Variants in PRIM2 observed in about 807,000 individuals in gnomAD.
PRIM2 encodes DNA primase large subunit.
In PRIM2, 39 loss-of-function variants were observed where a neutral mutation model predicts 67.3. That is an observed-to-expected ratio of 0.58 (90% CI 0.45 to 0.76). PRIM2 has a LOEUF of 0.76. PRIM2 is among the 30% of genes least tolerant of loss of function. PRIM2 has a pLI of 0.00. For synonymous variants in PRIM2, 143 were observed against 198.7 expected (o/e 0.72, Z 2.36); for missense variants, 398 against 598.7 (o/e 0.66, Z 3.50).
chr6:57,240,228 A>G, the PRIM2 span, among the ~76,000 whole-genome samples: 14 of 151,740 alleles, frequency 9.2e-5, no homozygotes, highest in African/African-American at 1.7e-4. Flanking sequence ...CAGCCTCTCA[A>G]GTAGCTGGGA....
intron 7 of PRIM2, among the ~76,000 whole-genome samples, chr6:57,462,320 T>G (rs200815099): frequency 6.6e-6 from 1 of 152,164 alleles, no homozygotes; most frequent in Admixed American, 6.5e-5. Context: ...CAGAATAATT[T>G]GTTAGCATTT....
chr6:57,320,030 G>C lies in PRIM2; in HGVS notation c.155-427G>C, dbSNP rs1004863544. Among the ~76,000 whole-genome samples the C allele has an allele frequency of 5.9e-5, 9 of 152,292 alleles. No individual in the cohort carries two copies. In the South Asian group the frequency reaches 1.2e-3, roughly 21 times the overall value. ...CCTTTCTTCTTCACTGTTGTGCTCT[G>C]TCCTCGGCTTCATCAGGAAAGGAAG... On this transcript the variant is annotated intron_variant, in intron 2 of 13. Transcript: ENST00000615550.
chr6:57,559,414 C>T (rs1775584978), intron 10 of PRIM2, among the ~76,000 whole-genome samples: 2 of 152,120 alleles, frequency 1.3e-5, no homozygotes, highest in Non-Finnish European at 2.9e-5. Context: ...TTACCTTGTA[C>T]TTCTTATCTG....
At chr6:57,475,032 A>C (rs1269253041) in intron 7 of PRIM2, among the ~76,000 whole-genome samples, 7,167 of 152,236 alleles carry the variant, frequency 0.047, 311 homozygotes, top group African/African-American at 0.11. Context: ...GTGCAGTGGA[A>C]TAGGCACTGA....
the PRIM2 span, among the ~76,000 whole-genome samples, chr6:57,294,745 A>G: frequency 6.6e-6 from 1 of 151,958 alleles, no homozygotes; most frequent in Non-Finnish European, 1.5e-5. Flanking sequence ...ACATGGAGAA[A>G]AATACAAAAG....
Position 57,610,909 on chromosome 6 carries a change from T to C in PRIM2, c.1230+4452T>C, listed in dbSNP as rs1364725429. 4.6e-4 allele frequency among the ~76,000 whole-genome samples: 70 copies of C among 152,162 alleles called. 2 individuals carry two copies. Among genetic ancestry groups the C allele is most frequent in the Non-Finnish European group, 2.4e-4 (16 of 68,020 alleles). On this transcript the variant is annotated intron_variant, in intron 12 of 13. Transcript: ENST00000615550. ...TTACCCAACAACAGGAGACATGAAATAGTAACCCAGGTAGATCATAGTCTA... is the reference window on the plus strand; with the variant it reads ...TTACCCAACAACAGGAGACATGAAACAGTAACCCAGGTAGATCATAGTCTA...
the PRIM2 span, among the ~76,000 whole-genome samples, chr6:57,278,371 T>A: frequency 2.6e-5 from 4 of 152,170 alleles, no homozygotes; most frequent in Non-Finnish European, 5.9e-5. Context: ...GGTAGCCTTA[T>A]GCTCTAGGGC....
chr6:57,418,543 C>T (rs1771357286), intron 7 of PRIM2, among the ~76,000 whole-genome samples: 1 of 150,934 alleles, frequency 6.6e-6, no homozygotes, highest in South Asian at 2.1e-4. Flanking sequence ...ACTACAGGCG[C>T]GTGCCACCAC....
Position 57,489,538 on chromosome 6 carries a change from C to A in PRIM2, c.694-17849C>A, listed in dbSNP as rs1773837914. On this transcript the variant is annotated intron_variant, in intron 7 of 13. Transcript: ENST00000615550. ...TTCCACTGCACTCCAGCCTGGGCGACAGAGTGAGACCCCCGTCTCCAGAAA... is the reference window on the plus strand; with the variant it reads ...TTCCACTGCACTCCAGCCTGGGCGAAAGAGTGAGACCCCCGTCTCCAGAAA... 6.6e-5 allele frequency among the ~76,000 whole-genome samples: 10 copies of A among 150,642 alleles called. No individual in the cohort carries two copies. The South Asian group carries it at 2.1e-3, about 31-fold the overall frequency.
In PRIM2 at chr6:57,646,366, G is replaced by T; in HGVS notation, c.*208G>T. On this transcript the variant is annotated 3_prime_UTR_variant, in exon 14 of 14. Transcript: ENST00000615550. ...ACCACAGGTGTGCACCTCATATCCA[G>T]ATAATTTTTTTCAATTTTTTTTTGT... 1 of 527,614 alleles carries T rather than the reference G, an allele frequency of 1.9e-6. No homozygotes were observed. Among genetic ancestry groups the T allele is most frequent in the African/African-American group, 1.9e-5 (1 of 52,336 alleles). 32.7% of individuals were successfully genotyped at this position (527,614 alleles called of 1,614,324 possible).
chr6:57,386,687 G>A lies in PRIM2; in HGVS notation c.693+4519G>A, dbSNP rs557169532. Among the ~76,000 whole-genome samples, 154 of 150,826 alleles carry A rather than the reference G, an allele frequency of 1.0e-3. 1 individual carries two copies. In the East Asian group the frequency reaches 0.019, roughly 19 times the overall value. ...AAAGGAGCAGGAGGGAAGCGAAGGAGTTCATTTAGGGCTGTGGCGAAGTAG... is the reference window on the plus strand; with the variant it reads ...AAAGGAGCAGGAGGGAAGCGAAGGAATTCATTTAGGGCTGTGGCGAAGTAG... On this transcript the variant is annotated intron_variant, in intron 7 of 13. Transcript: ENST00000615550.
chr6:57,300,687 G>A, the PRIM2 span, among the ~76,000 whole-genome samples: 2 of 152,204 alleles, frequency 1.3e-5, no homozygotes, highest in South Asian at 2.1e-4. Flanking sequence ...AACTTGGGTT[G>A]CTATTTTCTC....
intron 7 of PRIM2, among the ~76,000 whole-genome samples, chr6:57,397,998 G>T (rs9464470): frequency 0.63 from 91,175 of 144,408 alleles, 28,787 homozygotes; most frequent in African/African-American, 0.73. Context: ...TCTTGCTCTT[G>T]TTCCAGGCTG....
chr6:57,319,930 T>C (rs1486395370), intron 2 of PRIM2, among the ~76,000 whole-genome samples: 1 of 152,134 alleles, frequency 6.6e-6, no homozygotes, highest in Non-Finnish European at 1.5e-5. Flanking sequence ...TGAGGAAAGA[T>C]TGATATGGTG....
At chr6:57,251,593 T>A in the PRIM2 span, among the ~76,000 whole-genome samples, 2 of 152,178 alleles carry the variant, frequency 1.3e-5, no homozygotes, top group African/African-American at 4.8e-5. Context: ...GGGGGAAGGG[T>A]AAGTTATGTA....
At chr6:57,596,492 A>C (rs1168728938) in intron 10 of PRIM2, among the ~76,000 whole-genome samples, 4 of 149,938 alleles carry the variant, frequency 2.7e-5, no homozygotes, top group African/African-American at 9.7e-5. Flanking sequence ...GACTGAGAAG[A>C]AGCAAGAGGG....
the PRIM2 span, among the ~76,000 whole-genome samples, chr6:57,300,741 G>A: frequency 5.9e-5 from 9 of 152,112 alleles, no homozygotes; most frequent in Non-Finnish European, 1.2e-4. Flanking sequence ...AACAGTCCCC[G>A]GCCGGGTGCA....
intron 5 of PRIM2, among the ~76,000 whole-genome samples, chr6:57,363,540 A>G (rs1421733347): frequency 1.3e-5 from 2 of 152,124 alleles, no homozygotes; most frequent in African/African-American, 2.4e-5. Flanking sequence ...CTAGGTTGGC[A>G]TGTACTTTCT....
intron 5 of PRIM2, among the ~76,000 whole-genome samples, chr6:57,376,871 A>G (rs1220668338): frequency 3.3e-5 from 5 of 152,056 alleles, no homozygotes; most frequent in African/African-American, 1.2e-4. Context: ...AAATACAATT[A>G]GTTTTTCTAT....
Sources: allele counts gnomAD v4.1 joint callset (sites outside exome capture counted in the v4.1 genomes callset), GRCh38; gene constraint gnomAD v4.1.1; transcripts MANE v1.5; gene names NCBI Gene and HGNC (gene_info 2026-07-23, HGNC 2026-07-21).